Variants in MTPN observed in about 807,000 individuals in gnomAD.
MTPN encodes myotrophin, also known as granule cell differentiation protein.
A neutral mutation model predicts 13.5 loss-of-function variants in MTPN; 2 were observed. The ratio of observed to expected loss-of-function variants is 0.15; its 90% CI spans 0.06 to 0.47. MTPN has a LOEUF of 0.47. Among genes scored for constraint, MTPN ranks in the 20% least tolerant of loss-of-function variants. The probability of loss-of-function intolerance (pLI) is 0.97; values close to 1 mark genes in which losing one functional copy is unlikely to be tolerated. For missense variants in MTPN, 79 were observed against 137.9 expected (o/e 0.57, Z 2.14); for synonymous variants, 46 against 51.7 (o/e 0.89, Z 0.48).
chr7:135,968,460 A>G (rs548497923), intron 1 of MTPN, among the ~76,000 whole-genome samples: 8 of 152,042 alleles, frequency 5.3e-5, no homozygotes, highest in Non-Finnish European at 8.8e-5. Context: ...CAAGCTTCTA[A>G]GCTTATCAGA....
rs937923796 is a variant in MTPN, at chr7:135,928,310, A to G, written c.*1616T>C. On this transcript the variant is annotated 3_prime_UTR_variant, in exon 4 of 4. Transcript: ENST00000393085. ...GGGAAAAATACACACACACACCCACACACACCTATACACCCACACACCCAC... is the reference window on the plus strand; with the variant it reads ...GGGAAAAATACACACACACACCCACGCACACCTATACACCCACACACCCAC... 6.0e-6 allele frequency: 1 copy of G among 166,910 alleles called. No individual in the cohort carries two copies. Among genetic ancestry groups the G allele is most frequent in the Non-Finnish European group, 1.5e-5 (1 of 68,162 alleles). The allele number at this position is 166,910 out of a possible 1,614,324, so 10.3% of individuals were successfully genotyped here. A position where few individuals can be genotyped will look rare whatever the true frequency, so the allele number is the denominator to read the frequency against.
chr7:135,964,371 G>GT (rs1799574093), intron 1 of MTPN, among the ~76,000 whole-genome samples: 1 of 151,998 alleles, frequency 6.6e-6, no homozygotes, highest in Non-Finnish European at 1.5e-5. Context: ...TGCTCAAATG[G>GT]TATTTGCTGC....
intron 3 of MTPN, among the ~76,000 whole-genome samples, chr7:135,934,861 A>AACACCAACTCCTTC: frequency 6.6e-6 from 1 of 152,040 alleles, no homozygotes; most frequent in African/African-American, 2.4e-5. Context: ...GCTGTCCTTT[A>AACACCAACTCCTTC]TACAGGATTC....
intron 1 of MTPN, among the ~76,000 whole-genome samples, chr7:135,972,257 ACACC>A (rs71942153): frequency 0.049 from 5,454 of 111,512 alleles, 267 homozygotes; most frequent in East Asian, 0.13. Context: ...ACACACACAC[ACACC>A]CCATGTAGAT....
Position 135,933,117 on chromosome 7 carries a change from A to AC in MTPN, c.271-3106_271-3105insG, listed in dbSNP as rs1242052561. 2.0e-4 allele frequency among the ~76,000 whole-genome samples: 30 copies of AC among 151,088 alleles called. 1 individual carries two copies. Among genetic ancestry groups the AC allele is most frequent in the Admixed American group, 3.3e-4 (5 of 15,126 alleles). On this transcript the variant is annotated intron_variant, in intron 3 of 3. Coordinates refer to ENST00000393085, the MANE Select transcript of MTPN (RefSeq NM_145808.4). ...CAGCCTCAAAAAAAAAAAAAAAAAA[A>AC]AAAAAGATGAACCAGTTTTGAAGTA...
chr7:135,927,384 C>T lies in MTPN; in HGVS notation c.*2542G>A. ...AGCTGCAAGGGAGACTTTGTTAGTA[C>T]ACTACTATAAACAGGTAAACTACCT... On this transcript the variant is annotated 3_prime_UTR_variant, in exon 4 of 4. Coordinates refer to ENST00000393085, the MANE Select transcript of MTPN (RefSeq NM_145808.4). 3 of 1,549,652 alleles carry T rather than the reference C, an allele frequency of 1.9e-6. No individual in the cohort carries two copies. The highest frequency in any genetic ancestry group is 2.6e-6 in the Non-Finnish European group (3 of 1,145,260).
At chr7:135,930,188 A>C (rs1562927579) in intron 3 of MTPN, among the ~76,000 whole-genome samples, 176 bp from the exon 4 acceptor site, 1 of 152,240 alleles carries the variant, frequency 6.6e-6, no homozygotes, top group Admixed American at 6.5e-5. Context: ...GATTAATTAT[A>C]AAAATGCCAC....
At position 135,929,699 on chromosome 7, in the gene MTPN, T is replaced by G. The variant is rs1798984337; in HGVS notation, c.*227A>C. On this transcript the variant is annotated 3_prime_UTR_variant, in exon 4 of 4. Transcript: ENST00000393085. ...TATTTTATTAGAAAGGGAAGAGGCT[T>G]ACTTGATCAGGAATCCCAGTAAAAG... 2 of 560,682 alleles carry G rather than the reference T, an allele frequency of 3.6e-6. No homozygotes were observed. The highest frequency in any genetic ancestry group is 6.6e-6 in the Non-Finnish European group (2 of 303,174). The allele number at this position is 560,682 out of a possible 1,614,324, so 34.7% of individuals were successfully genotyped here.
chr7:135,947,535 C>T (rs1179875484), intron 3 of MTPN, among the ~76,000 whole-genome samples: 1 of 152,166 alleles, frequency 6.6e-6, no homozygotes, highest in African/African-American at 2.4e-5. Flanking sequence ...AGCCTCTCAT[C>T]TGTTGATCTC....
At chr7:135,970,785 TTAA>T (rs1475668508) in intron 1 of MTPN, among the ~76,000 whole-genome samples, 1 of 152,134 alleles carries the variant, frequency 6.6e-6, no homozygotes, top group Non-Finnish European at 1.5e-5. Flanking sequence ...ACTAAAAGCA[TTAA>T]TAATTAGAAA....
At chr7:135,951,677 T>C (rs1044759467) in intron 1 of MTPN, 47 bp from the exon 2 acceptor site, 6 of 1,297,628 alleles carry the variant, frequency 4.6e-6, no homozygotes, top group Non-Finnish European at 6.5e-6. Context: ...AATGGAAGAC[T>C]GAAGAAGTGA....
rs1048993629 is a variant in MTPN, at chr7:135,928,405, T to G, written c.*1521A>C. On this transcript the variant is annotated 3_prime_UTR_variant, in exon 4 of 4. Transcript: ENST00000393085. ...TATTAACCAGGGTGACTGTTCTTGA[T>G]AATAGATTAACCCTGCTGTAGAATG... 6.0e-6 allele frequency: 1 copy of G among 167,056 alleles called. No homozygotes were observed. Among genetic ancestry groups the G allele is most frequent in the Non-Finnish European group, 1.5e-5 (1 of 68,122 alleles). 10.3% of individuals were successfully genotyped at this position (167,056 alleles called of 1,614,324 possible).
chr7:135,950,563 A>G, intron 3 of MTPN, 36 bp downstream of exon 3: 1 of 1,476,368 alleles, frequency 6.8e-7, no homozygotes, highest in Non-Finnish European at 9.4e-7. Context: ...TAAACACAGT[A>G]ATAGAAAAAG....
At chr7:135,961,774 A>C (rs1314077064) in intron 1 of MTPN, among the ~76,000 whole-genome samples, 1 of 152,126 alleles carries the variant, frequency 6.6e-6, no homozygotes, top group African/African-American at 2.4e-5. Flanking sequence ...GAAAATGTGA[A>C]AAAAATTTGT....
At chr7:135,962,251 AT>A (rs1282623662) in intron 1 of MTPN, among the ~76,000 whole-genome samples, 5 of 151,912 alleles carry the variant, frequency 3.3e-5, no homozygotes, top group African/African-American at 1.2e-4. Context: ...ATTAGATTAG[AT>A]TAATTGGGAT....
chr7:135,957,801 A>G (rs1169214824), intron 1 of MTPN, among the ~76,000 whole-genome samples: 4 of 152,058 alleles, frequency 2.6e-5, no homozygotes, highest in African/African-American at 2.4e-5. Context: ...GCTGGTGTTA[A>G]TAAGAGCCTG....
At chr7:135,962,418 C>T (rs1352971796) in intron 1 of MTPN, among the ~76,000 whole-genome samples, 1 of 151,898 alleles carries the variant, frequency 6.6e-6, no homozygotes, top group African/African-American at 2.4e-5. Flanking sequence ...ACTAGAATTG[C>T]AGACCATTTT....
intron 1 of MTPN, among the ~76,000 whole-genome samples, chr7:135,952,704 G>C (rs143007221): frequency 0.013 from 2,032 of 152,298 alleles, 24 homozygotes; most frequent in Middle Eastern, 0.044. Flanking sequence ...GCTCACACCT[G>C]TAATCCCAGC....
At chr7:135,950,912 T>C (rs763058305) in intron 2 of MTPN, among the ~76,000 whole-genome samples, 8 of 152,156 alleles carry the variant, frequency 5.3e-5, no homozygotes, top group Non-Finnish European at 8.8e-5. Flanking sequence ...AGCAGGGCTT[T>C]GACCTCAGCT....
Sources: gnomAD v4.1 joint callset for allele counts (sites outside exome capture counted in the v4.1 genomes callset) on GRCh38, gnomAD v4.1.1 for gene constraint, MANE v1.5 for transcripts, NCBI Gene and HGNC (gene_info 2026-07-23, HGNC 2026-07-21) for gene names.